The following GFM1 variants were observed in gnomAD, a reference collection of about 807,000 sequenced individuals.
GFM1 encodes elongation factor G, mitochondrial.
Under a neutral mutation model 96.2 loss-of-function variants are expected in GFM1, and 62 were observed. The ratio of observed to expected loss-of-function variants is 0.64; its 90% CI spans 0.53 to 0.80. The LOEUF is 0.80. Ranked by LOEUF, GFM1 falls within the 30% of genes least tolerant of loss-of-function variation. The pLI is 0.00. For synonymous variants in GFM1, 282 were observed against 312.9 expected (o/e 0.90, Z 1.04); for missense variants, 852 against 916.6 (o/e 0.93, Z 0.91).
rs2108001850 is a variant in GFM1 at position 158,646,293 on chromosome 3, T to C, written c.363T>C (p.Thr121=). 6.2e-7 allele frequency: 1 copy of C among 1,614,138 alleles called. No individual in the cohort carries two copies. The highest frequency in any genetic ancestry group is 8.5e-7 in the Non-Finnish European group (1 of 1,179,982). Residue 121 remains threonine (T), a synonymous_variant, in exon 3 of 18, where the codon ACT becomes ACC. Transcript: ENST00000486715. ...ATGTCAATATTAACATTATAGATAC[T>C]CCTGGTGAGTTGGATTCTTGGTTTT... ...WKDVNINIID[T]PGHVDFTIEV... is the part of the protein sequence containing the mutation.
At chr3:158,662,562 A>T in intron 10 of GFM1, 66 bp from the exon 11 acceptor site, 1 of 897,050 alleles carries the variant, frequency 1.1e-6, no homozygotes, top group Non-Finnish European at 1.9e-6. Flanking sequence ...CATTAAAATT[A>T]ATCTATCCCT....
chr3:158,691,385 C>T lies in GFM1; in HGVS notation c.2174C>T (p.Pro725Leu), dbSNP rs751577855. ...TATAGCAGGTATCAGCCATGTTTAC[C>T]ATCCACACAAGAAGACGTCATTAAT... ...MEYSRYQPCL[P>L]STQEDVINKY... Residue 725 changes from proline to leucine, a missense_variant, in exon 18 of 18, where the codon CCA becomes CTA. Physicochemically the swap from Pro to Leu is moderately conservative, Grantham distance 98. Transcript: ENST00000486715. 6.2e-6 allele frequency: 10 copies of T among 1,613,528 alleles called. No individual in the cohort carries two copies. The highest frequency in any genetic ancestry group is 1.3e-5 in the African/African-American group (1 of 74,862).
chr3:158,674,973 C>A (rs1724744728), intron 13 of GFM1, among the ~76,000 whole-genome samples: 1 of 152,032 alleles, frequency 6.6e-6, no homozygotes, highest in Admixed American at 6.5e-5. Context: ...ACTTAAATAG[C>A]CTTTATTATT....
At chr3:158,661,337 T>A (rs1723180263) in intron 10 of GFM1, among the ~76,000 whole-genome samples, 1 of 152,196 alleles carries the variant, frequency 6.6e-6, no homozygotes. Flanking sequence ...TTGTTACCAC[T>A]AACATCAAGC....
chr3:158,691,119 TCTA>T lies in GFM1; in HGVS notation c.2071-16_2071-14del, dbSNP rs765907474. The stretch of plus-strand genomic sequence containing the variant: ...TTTTCCAATAAGCAGTGCTAAAATA[TCTA>T]CTATGTTTGTTTTCAGGTCCCTCTA... On this transcript the variant is annotated splice_polypyrimidine_tract_variant and intron_variant, in intron 16 of 17. Coordinates refer to ENST00000486715, the MANE Select transcript of GFM1 (RefSeq NM_024996.7). The T allele has an allele frequency of 1.2e-5, 19 of 1,567,562 alleles. No homozygotes were observed. The highest frequency in any genetic ancestry group is 1.7e-5 in the Non-Finnish European group (19 of 1,137,898).
At chr3:158,679,990 A>G (rs143495225) in intron 13 of GFM1, among the ~76,000 whole-genome samples, 5 of 152,346 alleles carry the variant, frequency 3.3e-5, no homozygotes, top group African/African-American at 2.4e-5. Context: ...TCTTAAAAAC[A>G]TAATTAGTAG....
rs756623491 is a variant in GFM1, at chr3:158,684,649, A to C, written c.1890A>C (p.Gly630=). 6.2e-7 allele frequency: 1 copy of C among 1,614,116 alleles called. No individual in the cohort carries two copies. Among genetic ancestry groups the C allele is most frequent in the East Asian group, 2.2e-5 (1 of 44,874 alleles). The change falls in exon 15 of 18, where the codon GGA becomes GGC. Residue 630 remains glycine, a synonymous_variant. Transcript: ENST00000486715. ...DSNEISFIRA[G]EGALKQALAN... ...ATGAAATCTCTTTCATCCGAGCAGG[A>C]GAAGGTGCTCTTAAACAAGGTATGC...
At chr3:158,662,779 G>T in intron 11 of GFM1, 95 bp downstream of exon 11, 1 of 800,956 alleles carries the variant, frequency 1.2e-6, no homozygotes, top group South Asian at 1.4e-5. Context: ...GTAATAACCA[G>T]CAGTCTTATG....
At chr3:158,651,094 A>G (rs1328537517) in intron 5 of GFM1, 1 of 151,582 alleles carries the variant, frequency 6.6e-6, no homozygotes, top group Non-Finnish European at 1.5e-5. Context: ...CATGTCAAGT[A>G]TATCCATTTT....
At chr3:158,652,870 T>A (rs1722407918) in intron 6 of GFM1, among the ~76,000 whole-genome samples, 1 of 152,244 alleles carries the variant, frequency 6.6e-6, no homozygotes, top group Admixed American at 6.5e-5. Context: ...ATCTGCCCAG[T>A]TCTCTTCCCT....
chr3:158,663,625 G>T (rs1413146736), intron 11 of GFM1, among the ~76,000 whole-genome samples: 3 of 152,168 alleles, frequency 2.0e-5, no homozygotes, highest in Non-Finnish European at 4.4e-5. Flanking sequence ...ACCTCAGTAG[G>T]ATGCCATAGT....
At chr3:158,670,926 C>T (rs997201511) in intron 13 of GFM1, 1 of 1,209,836 alleles carries the variant, frequency 8.3e-7, no homozygotes, top group African/African-American at 2.3e-5. Flanking sequence ...GAGTGAGACC[C>T]TGTCTCAAAG....
At chr3:158,687,568 A>G (rs951931170) in intron 15 of GFM1, among the ~76,000 whole-genome samples, 1 of 152,116 alleles carries the variant, frequency 6.6e-6, no homozygotes, top group Non-Finnish European at 1.5e-5. Flanking sequence ...CCTGGGTTCA[A>G]GCAATTCTCC....
intron 13 of GFM1, among the ~76,000 whole-genome samples, chr3:158,674,080 C>CT (rs397877329): frequency 0.027 from 3,654 of 132,982 alleles, 69 homozygotes; most frequent in Non-Finnish European, 0.04. Context: ...CACACATGAC[C>CT]TTTTTTTTTT....
rs753449665 is a variant in GFM1 at position 158,652,262 on chromosome 3, A to G, written c.840+16A>G. The G allele has an allele frequency of 1.2e-6, 2 of 1,612,564 alleles. No homozygotes were observed. Among genetic ancestry groups the G allele is most frequent in the Non-Finnish European group, 8.5e-7 (1 of 1,178,594 alleles). On this transcript the variant is annotated intron_variant, in intron 6 of 17. Coordinates refer to ENST00000486715, the MANE Select transcript of GFM1 (RefSeq NM_024996.7). Reference sequence around the variant, plus strand: ...TGATTTAAAGGCAAGTGCTTTCAAAATAAGTCTTATGTTAACAACAAAAAG... The same window carrying G: ...TGATTTAAAGGCAAGTGCTTTCAAAGTAAGTCTTATGTTAACAACAAAAAG...
chr3:158,649,048 C>T lies in GFM1; in HGVS notation c.580C>T (p.Leu194=), dbSNP rs1463527922. Residue 194 remains leucine, a synonymous_variant, in exon 5 of 18, where the codon CTA becomes TTA. Transcript: ENST00000486715. ...ARALQQMRSK[L]NHNAAFMQIP... is the part of the protein sequence containing the mutation. ...TGTATTTTTATTTTTCAGGTCTAAA[C>T]TAAATCATAATGCAGCGTTTATGCA... The T allele has an allele frequency of 6.8e-7, 1 of 1,465,402 alleles. No individual in the cohort carries two copies. Among genetic ancestry groups the T allele is most frequent in the Admixed American group, 1.7e-5 (1 of 59,816 alleles). The allele number at this position is 1,465,402 out of a possible 1,614,324, so 90.8% of individuals were successfully genotyped here. A position where few individuals can be genotyped will look rare whatever the true frequency, so the allele number is the denominator to read the frequency against.
rs549565104 is a variant in GFM1 at position 158,644,913 on chromosome 3, C to T, written c.81+198C>T. 3.0e-5 allele frequency: 18 copies of T among 593,050 alleles called. No homozygotes were observed. In the East Asian group the frequency reaches 4.1e-4, roughly 13 times the overall value. 36.7% of individuals were successfully genotyped at this position (593,050 alleles called of 1,614,324 possible). Reference sequence around the variant, plus strand: ...TCGTTTGTTTCGCTCTCTGGTATCCCTAGGGTTTAATCAACTAAAAGTGTC... The same window carrying T: ...TCGTTTGTTTCGCTCTCTGGTATCCTTAGGGTTTAATCAACTAAAAGTGTC... On this transcript the variant is annotated intron_variant, in intron 1 of 17. Transcript: ENST00000486715.
At chr3:158,682,232 C>T (rs1281318258) in intron 14 of GFM1, 75 bp downstream of exon 14, 7 of 1,235,212 alleles carry the variant, frequency 5.7e-6, no homozygotes, top group Non-Finnish European at 8.2e-6. Flanking sequence ...CATACTTTGT[C>T]TTCCATCATG....
intron 14 of GFM1, 31 bp from the exon 15 acceptor site, chr3:158,684,493 C>A: frequency 1.2e-6 from 2 of 1,612,978 alleles, no homozygotes; most frequent in African/African-American, 1.3e-5. Context: ...AAAATCCACT[C>A]ACTCCAGAAG....
Sources: allele counts gnomAD v4.1 joint callset (sites outside exome capture counted in the v4.1 genomes callset), GRCh38; gene constraint gnomAD v4.1.1; transcripts MANE v1.5; gene names NCBI Gene and HGNC (gene_info 2026-07-23, HGNC 2026-07-21).